Variants in WDR81 observed in about 807,000 individuals in gnomAD.
WDR81 encodes WD repeat domain 81.
Under a neutral mutation model 140.8 loss-of-function variants are expected in WDR81, and 92 were observed. The observed-to-expected ratio is 0.65, with a 90% CI of 0.55 to 0.78. The LOEUF (loss-of-function observed/expected upper bound fraction) is 0.78. Among genes scored for constraint, WDR81 ranks in the 30% least tolerant of loss-of-function variants. The pLI, the probability that WDR81 is intolerant of heterozygous loss-of-function variation, is 0.00. For synonymous variants in WDR81, 1,183 were observed against 1,156.4 expected (o/e 1.02, Z -0.47); for missense variants, 2,502 against 2,636.4 (o/e 0.95, Z 1.12).
In WDR81 at chr17:1,727,695, G is replaced by A; in HGVS notation, c.2736G>A (p.Val912=). Residue 912 remains valine (V), a synonymous_variant, in exon 1 of 10, where the codon GTG becomes GTA. Coordinates refer to ENST00000409644, the MANE Select transcript of WDR81 (RefSeq NM_001163809.2). The part of the protein sequence containing the change: ...VFALWQQLGA[V]LKDITPEGLE... ...CTCTGTGGCAGCAGCTGGGCGCGGT[G>A]CTGAAGGACATCACCCCTGAGGGCC... 3 of 1,550,500 alleles carry A rather than the reference G, an allele frequency of 1.9e-6. No homozygotes were observed. The highest frequency in any genetic ancestry group is 3.3e-4 in the Middle Eastern group (2 of 5,992).
intron 6 of WDR81, 174 bp downstream of exon 6, chr17:1,733,005 G>A: frequency 6.5e-6 from 5 of 773,994 alleles, no homozygotes; most frequent in Non-Finnish European, 9.8e-6. Context: ...CACAAACAAG[G>A]ACTGAGCAGT....
rs139859356 is a variant in WDR81 at position 1,731,275 on chromosome 17, G to A, written c.4157+17G>A. 1 of 1,611,174 alleles carries A rather than the reference G, an allele frequency of 6.2e-7. No individual in the cohort carries two copies. The highest frequency in any genetic ancestry group is 8.5e-7 in the Non-Finnish European group (1 of 1,178,820). ...CGTCACGGGGTAGGCCTCTGCCCCA[G>A]CTGATGTAGGGGGACCGGCCCAGCG... On this transcript the variant is annotated intron_variant, in intron 4 of 9. Transcript: ENST00000409644.
upstream of WDR81, among the ~76,000 whole-genome samples, chr17:1,722,943 T>G (rs1309891783): frequency 6.6e-6 from 1 of 152,200 alleles, no homozygotes; most frequent in Non-Finnish European, 1.5e-5. Context: ...TCCGCCCACC[T>G]TGGCCTCCCA....
Position 1,732,324 on chromosome 17 carries a change from G to A in WDR81, c.4158-1G>A, listed in dbSNP as rs752109345. On this transcript the variant is annotated splice_acceptor_variant, in intron 4 of 9. Coordinates refer to ENST00000409644, the MANE Select transcript of WDR81 (RefSeq NM_001163809.2). LOFTEE classifies it high-confidence loss of function. Reference sequence around the variant, plus strand: ...CTGGAGCTCATGAGCTCTGTTTCCAGGTTCCCAAGTGGGGCCCAGGCTCGG... The same window carrying A: ...CTGGAGCTCATGAGCTCTGTTTCCAAGTTCCCAAGTGGGGCCCAGGCTCGG... The A allele has an allele frequency of 3.1e-6, 5 of 1,613,054 alleles. No homozygotes were observed. Among genetic ancestry groups the A allele is most frequent in the Non-Finnish European group, 3.4e-6 (4 of 1,179,896 alleles).
intron 1 of WDR81, among the ~76,000 whole-genome samples, chr17:1,719,357 CT>C (rs1221309365): frequency 1.3e-5 from 2 of 149,028 alleles, no homozygotes; most frequent in Non-Finnish European, 3.0e-5. Flanking sequence ...AACATCCTGG[CT>C]AACACTGTGA....
rs553433385 is a variant in WDR81 at position 1,730,953 on chromosome 17, G to A, written c.3966+8G>A. The A allele has an allele frequency of 2.7e-5, 43 of 1,611,690 alleles. No homozygotes were observed. Among genetic ancestry groups the A allele is most frequent in the Middle Eastern group, 1.7e-4 (1 of 6,060 alleles). On this transcript the variant is annotated splice_region_variant and intron_variant, in intron 3 of 9. Coordinates refer to ENST00000409644, the MANE Select transcript of WDR81 (RefSeq NM_001163809.2). ...CCCTACATCAGCTACCTGGTCAGTC[G>A]CTGGTTTGGCAGGCCCGGGGCTGGG...
In WDR81 at chr17:1,735,554, T is replaced by C. The variant is rs753556448; in HGVS notation, c.5180-18T>C. 5 of 1,585,658 alleles carry C rather than the reference T, an allele frequency of 3.2e-6. No homozygotes were observed. The highest frequency in any genetic ancestry group is 3.5e-5 in the Admixed American group (2 of 57,716). ...TCAGCTGCTGGGACCCCAGATCCAC[T>C]GTGACTTTCCTTCCCAGGGAAGACC... On this transcript the variant is annotated intron_variant, in intron 7 of 9. Coordinates refer to ENST00000409644, the MANE Select transcript of WDR81 (RefSeq NM_001163809.2). The surrounding 1 kb of genome is among the most constrained non-coding windows in gnomAD (Gnocchi z 4.2).
In WDR81 at chr17:1,726,148, C is replaced by T. The variant is rs1200455844; in HGVS notation, c.1189C>T (p.Arg397Ter). Residue 397 changes from arginine (R) to a stop codon, truncating the protein, a stop_gained, in exon 1 of 10, where the codon CGA becomes TGA. Coordinates refer to ENST00000409644, the MANE Select transcript of WDR81 (RefSeq NM_001163809.2). LOFTEE classifies it high-confidence loss of function. Reference protein sequence around the residue: ...VDFTTPHGRFRDLRKSKFRLN... With the variant: ...VDFTTPHGRF ...CTTCACTACGCCCCATGGGCGCTTC[C>T]GAGACCTGCGCAAGTCCAAGTTCCG... 16 of 1,523,710 alleles carry T rather than the reference C, an allele frequency of 1.1e-5. No homozygotes were observed. The highest frequency in any genetic ancestry group is 6.1e-5 in the Admixed American group (3 of 48,966). The allele number at this position is 1,523,710 out of a possible 1,614,324, so 94.4% of individuals were successfully genotyped here. A position where few individuals can be genotyped will look rare whatever the true frequency, so the allele number is the denominator to read the frequency against.
rs755689280 is a variant in WDR81, at chr17:1,737,526, C to T, written c.5667C>T (p.Asn1889=). 5.6e-6 allele frequency: 9 copies of T among 1,613,004 alleles called. No homozygotes were observed. The African/African-American group carries it at 1.2e-4, about 22-fold the overall frequency. Residue 1889 remains asparagine (N), a synonymous_variant, in exon 10 of 10, where the codon AAC becomes AAT. Transcript: ENST00000409644. ...GSEVVTGTVS[N]KIGVCSLLEP... The stretch of plus-strand genomic sequence containing the variant: ...AGGTGGTCACTGGCACCGTGTCCAA[C>T]AAGATTGGCGTCTGCTCCCTGCTTG...
intron 4 of WDR81, among the ~76,000 whole-genome samples, chr17:1,731,542 C>T (rs1372112589): frequency 3.3e-5 from 5 of 151,864 alleles, no homozygotes; most frequent in Admixed American, 3.3e-4. Context: ...GAGGCTGAGG[C>T]GGGAAGATTG....
rs1915380053 is a variant in WDR81 at position 1,727,672 on chromosome 17, CTG to C, written c.2716_2717del (p.Trp906AlafsTer13). ...EAQGRELVFA[L>X]WQQLGAVLKD... is the part of the protein sequence containing the mutation. ...CCAGGGGCGCGAGCTGGTGTTTGCT[CTG>C]TGGCAGCAGCTGGGCGCGGTGCTGA... is the stretch of plus-strand genomic sequence containing the variant. On this transcript the variant is annotated frameshift_variant, in exon 1 of 10. Coordinates refer to ENST00000409644, the MANE Select transcript of WDR81 (RefSeq NM_001163809.2). LOFTEE classifies it high-confidence loss of function. The C allele has an allele frequency of 6.4e-7, 1 of 1,550,450 alleles. No individual in the cohort carries two copies.
rs1426710539 is a variant in WDR81, at chr17:1,733,713, T to C, written c.4676T>C (p.Phe1559Ser). 3.1e-6 allele frequency: 5 copies of C among 1,612,548 alleles called. No individual in the cohort carries two copies. The highest frequency in any genetic ancestry group is 4.2e-6 in the Non-Finnish European group (5 of 1,179,840). The change falls in exon 7 of 10, where the codon TTT becomes TCT. Residue 1559 changes from phenylalanine (F) to serine (S), a missense_variant. Phe to Ser is a radical substitution (Grantham distance 155). Transcript: ENST00000409644. ...CPQDDGHSGT[F>S]GSVLVGNRIQ... Reference sequence around the variant, plus strand: ...CAGGATGACGGCCACTCAGGGACCTTTGGGAGCGTCCTGGTGGGGAACCGC... The same window carrying C: ...CAGGATGACGGCCACTCAGGGACCTCTGGGAGCGTCCTGGTGGGGAACCGC...
upstream of WDR81, chr17:1,724,489 G>C (rs892459604): frequency 1.0e-6 from 1 of 985,862 alleles, no homozygotes; most frequent in Non-Finnish European, 1.2e-6. Flanking sequence ...AGGGAGTAGG[G>C]AGGGGTGGGG....
Position 1,732,360 on chromosome 17 carries a change from G to A in WDR81, c.4193G>A (p.Cys1398Tyr). The A allele has an allele frequency of 6.2e-7, 1 of 1,613,518 alleles. No homozygotes were observed. Among genetic ancestry groups the A allele is most frequent in the Non-Finnish European group, 8.5e-7 (1 of 1,180,026 alleles). Residue 1398 changes from cysteine (C) to tyrosine (Y), a missense_variant, in exon 5 of 10, where the codon TGT (cysteine) becomes TAT (tyrosine). By Grantham distance (194) the Cys-to-Tyr change is radical. This residue lies in a region of WDR81 where 1,737 missense variants were observed against 1,843.0 expected (regional missense o/e 0.94). Coordinates refer to ENST00000409644, the MANE Select transcript of WDR81 (RefSeq NM_001163809.2). Reference protein sequence around the residue: ...PSGAQARTILCVKTISLIALI... With the variant: ...PSGAQARTILYVKTISLIALI... ...GGGGCCCAGGCTCGGACCATCCTGT[G>A]TGTGAAAACCATCAGCCTCATCGCC... is the stretch of plus-strand genomic sequence containing the variant.
At chr17:1,721,262 G>C (rs1288259590), upstream of WDR81, among the ~76,000 whole-genome samples, 1 of 152,150 alleles carries the variant, frequency 6.6e-6, no homozygotes, top group Non-Finnish European at 1.5e-5. Context: ...GGGATGCTGA[G>C]GCAGGAGAAT....
chr17:1,725,286 G>T lies in WDR81; in HGVS notation c.327G>T (p.Gly109=). The change falls in exon 1 of 10, where the codon GGG becomes GGT. Residue 109 remains glycine (G), a synonymous_variant. Coordinates refer to ENST00000409644, the MANE Select transcript of WDR81 (RefSeq NM_001163809.2). ...GCTGGACGCGCGTGGAGGTGCATGG[G>T]CTGCGGAAGCGGAGACTGTCCTACC... ...PAGWTRVEVH[G]LRKRRLSYPL... The T allele has an allele frequency of 1.3e-6, 2 of 1,546,930 alleles. No homozygotes were observed.
upstream of WDR81, among the ~76,000 whole-genome samples, chr17:1,723,667 A>T (rs1230353560): frequency 6.6e-6 from 1 of 151,632 alleles, no homozygotes; most frequent in Non-Finnish European, 1.5e-5. Context: ...TTGTGTTTTT[A>T]GTAGAGACGG....
At chr17:1,718,958 G>A (rs1597277543) in intron 1 of WDR81, among the ~76,000 whole-genome samples, 2 of 152,226 alleles carry the variant, frequency 1.3e-5, no homozygotes, top group East Asian at 1.9e-4. Flanking sequence ...GCTACCGGGT[G>A]CACAATAGGA....
intron 5 of WDR81, 36 bp downstream of exon 5, chr17:1,732,526 G>T (rs749874637): frequency 8.1e-6 from 13 of 1,602,932 alleles, no homozygotes; most frequent in South Asian, 1.1e-5. Context: ...GGGCTGGGGC[G>T]GGGGCTGTGG....
Sources: gnomAD v4.1 joint callset for allele counts (sites outside exome capture counted in the v4.1 genomes callset) on GRCh38, gnomAD v4.1.1 for gene constraint, gnomAD v4.1.1 regional missense constraint, Gnocchi (gnomAD v3.1) non-coding constraint, MANE v1.5 for transcripts, NCBI Gene and HGNC (gene_info 2026-07-23, HGNC 2026-07-21) for gene names.